PARD3: variants seen among roughly 807,000 people sequenced by gnomAD.
The protein encoded by PARD3 is par-3 family cell polarity regulator.
Under a neutral mutation model 155.4 loss-of-function variants are expected in PARD3, and 75 were observed. The ratio of observed to expected loss-of-function variants is 0.48; its 90% CI spans 0.40 to 0.58. The LOEUF is 0.58. PARD3 is among the 20% of genes least tolerant of loss of function. The probability of loss-of-function intolerance (pLI) is 0.00; values close to 1 mark genes in which losing one functional copy is unlikely to be tolerated. For missense variants in PARD3, 1,642 were observed against 1,721.7 expected (o/e 0.95, Z 0.82); for synonymous variants, 576 against 610.5 (o/e 0.94, Z 0.83).
intron 2 of PARD3, among the ~76,000 whole-genome samples, chr10:34,565,799 T>C (rs1030147146): frequency 6.6e-6 from 1 of 152,172 alleles, no homozygotes; most frequent in African/African-American, 2.4e-5. Flanking sequence ...CAGGTTATTT[T>C]TGAGGGGAGG....
At chr10:34,374,520 T>C (rs1333473850) in intron 11 of PARD3, among the ~76,000 whole-genome samples, 2 of 152,190 alleles carry the variant, frequency 1.3e-5, no homozygotes, top group Admixed American at 1.3e-4. Flanking sequence ...ATATGCAGTG[T>C]GGAAGATGGC....
At chr10:34,627,990 A>G (rs2092067761) in intron 2 of PARD3, among the ~76,000 whole-genome samples, 1 of 152,088 alleles carries the variant, frequency 6.6e-6, no homozygotes, top group Non-Finnish European at 1.5e-5. Flanking sequence ...TCTGCTCTAA[A>G]GCCCAGGCAG....
chr10:34,525,523 C>T (rs2082413502), intron 2 of PARD3, among the ~76,000 whole-genome samples: 1 of 152,232 alleles, frequency 6.6e-6, no homozygotes, highest in South Asian at 2.1e-4. Context: ...CTCTGCCAAC[C>T]TTCCAACATA....
chr10:34,423,864 C>T lies in PARD3; in HGVS notation c.715-21947G>A, dbSNP rs186382253. 2.2e-3 allele frequency among the ~76,000 whole-genome samples: 342 copies of T among 152,092 alleles called. 1 individual carries two copies. The highest frequency in any genetic ancestry group is 7.7e-3 in the African/African-American group (320 of 41,498). On this transcript the variant is annotated intron_variant, in intron 5 of 24. Transcript: ENST00000374788. ...AATGGTGTTTTTCAACTCACAGAACCGTTATTAAAGTTCAAATATTAACAA... is the reference window on the plus strand; with the variant it reads ...AATGGTGTTTTTCAACTCACAGAACTGTTATTAAAGTTCAAATATTAACAA...
intron 6 of PARD3, among the ~76,000 whole-genome samples, 170 bp from the exon 7 acceptor site, chr10:34,399,583 A>G (rs1589434837): frequency 6.6e-6 from 1 of 152,246 alleles, no homozygotes; most frequent in African/African-American, 2.4e-5. Context: ...ATTCTGGAAT[A>G]TAAGCATGGT....
intron 4 of PARD3, among the ~76,000 whole-genome samples, chr10:34,468,864 T>C (rs2078172072): frequency 6.6e-6 from 1 of 152,184 alleles, no homozygotes; most frequent in Non-Finnish European, 1.5e-5. Context: ...ATGCAAAGAA[T>C]AAATCAAGCA....
At chr10:34,662,059 G>A (rs541348698) in intron 2 of PARD3, among the ~76,000 whole-genome samples, 123 of 152,294 alleles carry the variant, frequency 8.1e-4, no homozygotes, top group African/African-American at 2.9e-3. Flanking sequence ...TGGGCAGGGA[G>A]CTACTTAAGA....
chr10:34,644,676 T>G (rs1189683788), intron 2 of PARD3, among the ~76,000 whole-genome samples: 1 of 152,204 alleles, frequency 6.6e-6, no homozygotes, highest in Admixed American at 6.5e-5. Flanking sequence ...ATAACAACTA[T>G]GAAAAGCCTT....
intron 22 of PARD3, among the ~76,000 whole-genome samples, chr10:34,242,093 A>G (rs1334622289): frequency 2.0e-5 from 3 of 152,154 alleles, no homozygotes; most frequent in Non-Finnish European, 4.4e-5. Flanking sequence ...CAAAGTTGCT[A>G]TCATATACAT....
intron 22 of PARD3, among the ~76,000 whole-genome samples, chr10:34,184,453 G>A (rs182849366): frequency 6.6e-6 from 1 of 152,244 alleles, no homozygotes; most frequent in African/African-American, 2.4e-5. Context: ...TGGCTCATAG[G>A]GGGTTTAGAG....
At chr10:34,562,337 T>C (rs1358660586) in intron 2 of PARD3, among the ~76,000 whole-genome samples, 1 of 151,908 alleles carries the variant, frequency 6.6e-6, no homozygotes, top group Non-Finnish European at 1.5e-5. Context: ...CTCAGGAGGC[T>C]GAGGCAGGAG....
chr10:34,264,854 A>G (rs1302087274), intron 22 of PARD3, among the ~76,000 whole-genome samples: 4 of 151,492 alleles, frequency 2.6e-5, no homozygotes, highest in African/African-American at 9.7e-5. Flanking sequence ...GGTTCAAGTG[A>G]TCCTCCTGCC....
At chr10:34,131,776 A>T (rs1344511174) in intron 22 of PARD3, among the ~76,000 whole-genome samples, 193 bp from the exon 23 acceptor site, 1 of 152,050 alleles carries the variant, frequency 6.6e-6, no homozygotes, top group Non-Finnish European at 1.5e-5. Flanking sequence ...GGTATTTTAG[A>T]CAGATATTTG....
chr10:34,116,601 CCTAAT>C (rs1226795614), intron 24 of PARD3, among the ~76,000 whole-genome samples: 1 of 152,176 alleles, frequency 6.6e-6, no homozygotes, highest in Non-Finnish European at 1.5e-5. Flanking sequence ...GTTCTATGTT[CCTAAT>C]CTCCCTCACA....
chr10:34,638,858 CTTT>C (rs1297883760), intron 2 of PARD3, among the ~76,000 whole-genome samples: 2 of 152,192 alleles, frequency 1.3e-5, no homozygotes, highest in African/African-American at 4.8e-5. Context: ...CACAAACATT[CTTT>C]GTCTTTGTTA....
intron 7 of PARD3, among the ~76,000 whole-genome samples, chr10:34,389,464 G>A (rs1842675712): frequency 6.6e-6 from 1 of 152,068 alleles, no homozygotes; most frequent in Non-Finnish European, 1.5e-5. Context: ...TCAATTCTAA[G>A]TATAAATTAC....
intron 2 of PARD3, among the ~76,000 whole-genome samples, chr10:34,623,083 A>G (rs771541912): frequency 1.3e-5 from 2 of 152,146 alleles, no homozygotes; most frequent in Non-Finnish European, 2.9e-5. Flanking sequence ...CAGAGTAAGA[A>G]AAGTGATGAA....
chr10:34,708,081 C>G (rs2094393913), intron 1 of PARD3, among the ~76,000 whole-genome samples: 1 of 152,198 alleles, frequency 6.6e-6, no homozygotes, highest in South Asian at 2.1e-4. Flanking sequence ...TTCATTCCTA[C>G]TGATAGCAGC....
At chr10:34,586,657 G>A (rs890213225) in intron 2 of PARD3, among the ~76,000 whole-genome samples, 1 of 152,170 alleles carries the variant, frequency 6.6e-6, no homozygotes, top group Non-Finnish European at 1.5e-5. Flanking sequence ...AAGCATTAAG[G>A]CACTCATGGC....
Sources: gnomAD v4.1 joint callset for allele counts (sites outside exome capture counted in the v4.1 genomes callset) on GRCh38, gnomAD v4.1.1 for gene constraint, MANE v1.5 for transcripts, NCBI Gene and HGNC (gene_info 2026-07-23, HGNC 2026-07-21) for gene names.